RAP2C: variants seen among roughly 807,000 people sequenced by gnomAD.
RAP2C encodes RAP2C, member of RAS oncogene family.
RAP2C carries 3 observed loss-of-function variants against 8.9 expected under a neutral mutation model. The observed-to-expected ratio is 0.34, with a 90% CI of 0.15 to 0.87. The LOEUF (loss-of-function observed/expected upper bound fraction) is 0.87, where lower values mean the gene tolerates loss of function less well. Among genes scored for constraint, RAP2C ranks in the 40% least tolerant of loss-of-function variants. RAP2C has a pLI of 0.51. For missense variants in RAP2C, 76 were observed against 133.7 expected, an observed-to-expected ratio of 0.57 and a Z score of 2.13; for synonymous variants, 60 against 52.1, an observed-to-expected ratio of 1.15 and a Z score of -0.65.
At chrX:132,216,954 C>A in intron 4 of RAP2C, 42 bp downstream of exon 4, 3 of 1,102,288 alleles carry the variant, frequency 2.7e-6, no homozygotes, top group African/African-American at 1.9e-5. Context: ...TGTCGGATTA[C>A]CACACCCCCT....
At chrX:132,214,499 A>G in intron 4 of RAP2C, 53 bp from the exon 5 acceptor site, 3 of 1,135,839 alleles carry the variant, frequency 2.6e-6, no homozygotes, top group African/African-American at 1.8e-5. Context: ...TTGTATAACC[A>G]TAACAGAAAT....
At chrX:132,215,421 GAAAATCTATA>G (rs1346769550) in intron 4 of RAP2C, among the ~76,000 whole-genome samples, 3 of 111,751 alleles carry the variant, frequency 2.7e-5, no homozygotes, top group Non-Finnish European at 3.8e-5. Flanking sequence ...AAGGGACTAT[GAAAATCTATA>G]AAAATATAGT....
chrX:132,214,590 C>T (rs984959211), intron 4 of RAP2C, 144 bp from the exon 5 acceptor site: 11 of 1,070,744 alleles, frequency 1.0e-5, no homozygotes, highest in South Asian at 1.0e-4. Flanking sequence ...ACAGAGAAAT[C>T]GTCATCATTT....
chrX:132,204,626 G>C lies in RAP2C; in HGVS notation c.*996C>G, dbSNP rs1179593424. On this transcript the variant is annotated 3_prime_UTR_variant, in exon 6 of 6. Transcript: ENST00000370874. ...AAATATTGCTTTAAACTATTATTCA[G>C]AAAGACAAATATTAAGAACTAGAAA... 2 of 111,779 alleles carry C rather than the reference G, an allele frequency of 1.8e-5. No individual in the cohort carries two copies. Among genetic ancestry groups the C allele is most frequent in the Non-Finnish European group, 3.8e-5 (2 of 53,037 alleles). 9.2% of individuals were successfully genotyped at this position (111,779 alleles called of 1,213,427 possible). A position where few individuals can be genotyped will look rare whatever the true frequency, so the allele number is the denominator to read the frequency against.
chrX:132,209,781 G>T (rs754473462), intron 5 of RAP2C, among the ~76,000 whole-genome samples: 1 of 111,659 alleles, frequency 9.0e-6, no homozygotes, highest in Non-Finnish European at 1.9e-5. Flanking sequence ...ATTAAAGAGG[G>T]AACAGATATA....
rs905279212 is a variant in RAP2C, at chrX:132,203,571, C to T, written c.*2051G>A. ...AGAGAGAGAGAGAGAGAAACAAGAA[C>T]ACAATCTACAGGAAAGAAACATTAT... On this transcript the variant is annotated 3_prime_UTR_variant, in exon 6 of 6. Transcript: ENST00000370874. The T allele has an allele frequency of 7.8e-5, 8 of 101,994 alleles. No homozygotes were observed. The highest frequency in any genetic ancestry group is 1.6e-4 in the Non-Finnish European group (8 of 49,885). The allele number at this position is 101,994 out of a possible 1,213,427, so 8.4% of individuals were successfully genotyped here.
At chrX:132,212,864 T>C (rs1430668999) in intron 5 of RAP2C, among the ~76,000 whole-genome samples, 1 of 112,378 alleles carries the variant, frequency 8.9e-6, no homozygotes, top group African/African-American at 3.2e-5. Flanking sequence ...AAATAATAGA[T>C]GTAGCTAGAC....
At position 132,217,521 on chromosome X, in the gene RAP2C, G is replaced by T. The variant is rs982183145; in HGVS notation, c.-253C>A. ...CTGCAGCCCGAGCAGGGGGCGTGGG[G>T]AGGAGGGCGAGCCTGGGAAAAGCCC... is the stretch of plus-strand genomic sequence containing the variant. On this transcript the variant is annotated 5_prime_UTR_variant, in exon 4 of 6. Transcript: ENST00000370874. 8.3e-5 allele frequency: 22 copies of T among 266,616 alleles called. No homozygotes were observed. The highest frequency in any genetic ancestry group is 1.3e-4 in the Non-Finnish European group (19 of 151,122). 22.0% of individuals were successfully genotyped at this position (266,616 alleles called of 1,213,427 possible). A position where few individuals can be genotyped will look rare whatever the true frequency, so the allele number is the denominator to read the frequency against.
chrX:132,214,739 G>C (rs947828373), intron 4 of RAP2C, among the ~76,000 whole-genome samples: 10 of 111,315 alleles, frequency 9.0e-5, no homozygotes, highest in African/African-American at 3.3e-4. Flanking sequence ...GATTAAAAAA[G>C]CAAGTTTCCA....
intron 5 of RAP2C, 107 bp downstream of exon 5, chrX:132,214,027 A>G (rs752812249): frequency 3.6e-6 from 2 of 554,792 alleles, no homozygotes; most frequent in South Asian, 1.4e-4. Flanking sequence ...TTTAAAAATA[A>G]AGAAATTTAA....
rs749698980 is a variant in RAP2C at position 132,204,631 on chromosome X, A to G, written c.*991T>C. 11 of 112,124 alleles carry G rather than the reference A, an allele frequency of 9.8e-5. No homozygotes were observed. The highest frequency in any genetic ancestry group is 3.6e-4 in the African/African-American group (11 of 30,839). 9.2% of individuals were successfully genotyped at this position (112,124 alleles called of 1,213,427 possible). ...TTGCTTTAAACTATTATTCAGAAAGACAAATATTAAGAACTAGAAAGTGTG... is the reference window on the plus strand; with the variant it reads ...TTGCTTTAAACTATTATTCAGAAAGGCAAATATTAAGAACTAGAAAGTGTG... On this transcript the variant is annotated 3_prime_UTR_variant, in exon 6 of 6. Coordinates refer to ENST00000370874, the MANE Select transcript of RAP2C (RefSeq NM_001271186.2).
chrX:132,216,720 T>A (rs941972828), intron 4 of RAP2C, among the ~76,000 whole-genome samples: 1 of 112,540 alleles, frequency 8.9e-6, no homozygotes, highest in South Asian at 3.7e-4. Context: ...CTTCAGAAGG[T>A]TATATTCCAG....
chrX:132,215,658 T>C (rs1930558263), intron 4 of RAP2C, among the ~76,000 whole-genome samples: 1 of 111,563 alleles, frequency 9.0e-6, no homozygotes, highest in South Asian at 3.7e-4. Context: ...AGAAATCTTA[T>C]GAAACACCCT....
intron 5 of RAP2C, among the ~76,000 whole-genome samples, chrX:132,206,777 T>C (rs1930288052): frequency 8.9e-6 from 1 of 112,326 alleles, no homozygotes; most frequent in Non-Finnish European, 1.9e-5. Context: ...ATTGAAATTC[T>C]GCTACCTAAA....
intron 5 of RAP2C, among the ~76,000 whole-genome samples, chrX:132,210,253 C>T (rs2124138335): frequency 9.0e-6 from 1 of 111,320 alleles, no homozygotes; most frequent in African/African-American, 3.3e-5. Context: ...GAGGATTTTT[C>T]TCCTCACATT....
At chrX:132,213,133 G>C (rs1930477685) in intron 5 of RAP2C, among the ~76,000 whole-genome samples, 1 of 111,525 alleles carries the variant, frequency 9.0e-6, no homozygotes, top group Non-Finnish European at 1.9e-5. Context: ...TAGACTCGAG[G>C]TCAGCCTTGG....
intron 5 of RAP2C, among the ~76,000 whole-genome samples, chrX:132,208,345 G>A (rs1340083340): frequency 1.8e-5 from 2 of 110,858 alleles, no homozygotes; most frequent in African/African-American, 6.5e-5. Flanking sequence ...ACAAATACTA[G>A]TGTGTAATCA....
In RAP2C at chrX:132,204,011, T is replaced by A. The variant is rs1477971761; in HGVS notation, c.*1611A>T. On this transcript the variant is annotated 3_prime_UTR_variant, in exon 6 of 6. Transcript: ENST00000370874. ...CTTTATTTGAACATCACACACAATA[T>A]AAATTTAAAATTGCCACACCCTTTC... 1 of 112,591 alleles carries A rather than the reference T, an allele frequency of 8.9e-6. No homozygotes were observed. The highest frequency in any genetic ancestry group is 3.2e-5 in the African/African-American group (1 of 30,941). The allele number at this position is 112,591 out of a possible 1,213,427, so 9.3% of individuals were successfully genotyped here. A position where few individuals can be genotyped will look rare whatever the true frequency, so the allele number is the denominator to read the frequency against.
Position 132,217,265 on chromosome X carries a change from T to A in RAP2C, c.4A>T (p.Arg2Trp), listed in dbSNP as rs1363666381. The A allele has an allele frequency of 3.6e-6, 4 of 1,099,163 alleles. No homozygotes were observed. The highest frequency in any genetic ancestry group is 4.8e-6 in the Non-Finnish European group (4 of 838,603). 90.6% of individuals were successfully genotyped at this position (1,099,163 alleles called of 1,213,427 possible). Residue 2 changes from arginine to tryptophan, a missense_variant, in exon 4 of 6, where the codon AGG becomes TGG. Transcript: ENST00000370874. Reference protein sequence around the residue: MREYKVVVLGSG... With the variant: MWEYKVVVLGSG... ...CCTAACACCACTACCTTGTATTCCCTCATGAGTCTCACCTTCACCAACTCC... is the reference window on the plus strand; with the variant it reads ...CCTAACACCACTACCTTGTATTCCCACATGAGTCTCACCTTCACCAACTCC...
Sources: gnomAD v4.1 joint callset for allele counts (sites outside exome capture counted in the v4.1 genomes callset) on GRCh38, gnomAD v4.1.1 for gene constraint, MANE v1.5 for transcripts, NCBI Gene and HGNC (gene_info 2026-07-23, HGNC 2026-07-21) for gene names.